Variants in SH3D19 observed in about 807,000 individuals in gnomAD.
The protein encoded by SH3D19 is SH3 domain containing 19.
SH3D19 carries 58 observed loss-of-function variants against 112.1 expected under a neutral mutation model. That is an observed-to-expected ratio of 0.52 (90% CI 0.42 to 0.64). The LOEUF (loss-of-function observed/expected upper bound fraction) is 0.64, where lower values mean the gene tolerates loss of function less well. Among genes scored for constraint, SH3D19 ranks in the 30% least tolerant of loss-of-function variants. SH3D19 has a pLI of 0.00. For synonymous variants in SH3D19, 391 were observed against 448.5 expected (o/e 0.87, Z 1.62); for missense variants, 1,090 against 1,263.4 (o/e 0.86, Z 2.08).
At chr4:151,204,984 C>T (rs1294528273) in intron 2 of SH3D19, among the ~76,000 whole-genome samples, 1 of 151,950 alleles carries the variant, frequency 6.6e-6, no homozygotes, top group Non-Finnish European at 1.5e-5. Flanking sequence ...CCACACCTGG[C>T]TAATTTTTAC....
chr4:151,217,247 G>A (rs973090115), intron 2 of SH3D19, among the ~76,000 whole-genome samples: 1 of 152,122 alleles, frequency 6.6e-6, no homozygotes, highest in East Asian at 1.9e-4. Flanking sequence ...GCTAAAACAA[G>A]TTAAATCTTT....
At chr4:151,215,393 C>T (rs1202407556) in intron 2 of SH3D19, among the ~76,000 whole-genome samples, 1 of 152,210 alleles carries the variant, frequency 6.6e-6, no homozygotes, top group Non-Finnish European at 1.5e-5. Flanking sequence ...AGGCAGTGTG[C>T]CAAGGGAAAA....
At chr4:151,222,255 CTTCT>C (rs913130950) in intron 2 of SH3D19, among the ~76,000 whole-genome samples, 14 of 152,118 alleles carry the variant, frequency 9.2e-5, no homozygotes, top group African/African-American at 3.1e-4. Context: ...CCACTGTGTC[CTTCT>C]ATTTTGAAAT....
intron 2 of SH3D19, among the ~76,000 whole-genome samples, chr4:151,191,888 T>G (rs2407423): frequency 0.83 from 124,946 of 149,820 alleles, 53,582 homozygotes; most frequent in Non-Finnish European, 0.95. Flanking sequence ...CTCATGATCT[T>G]CCCACCTCGG....
chr4:151,255,951 T>A (rs529755456), intron 1 of SH3D19, among the ~76,000 whole-genome samples: 10 of 146,048 alleles, frequency 6.8e-5, no homozygotes, highest in Non-Finnish European at 1.3e-4. Context: ...TGCAGTGAGC[T>A]GAGATGGCAG....
In SH3D19 at chr4:151,242,908, C is replaced by T. The variant is rs187587455; in HGVS notation, c.113-16822G>A. 8.1e-4 allele frequency among the ~76,000 whole-genome samples: 124 copies of T among 152,188 alleles called. 1 individual carries two copies. Among genetic ancestry groups the T allele is most frequent in the Admixed American group, 8.0e-3 (122 of 15,294 alleles). ...CCTGTAAGAAAATCTCCCAGATATACATAGGAAGCTGAACATAGATTTGGC... is the reference window on the plus strand; with the variant it reads ...CCTGTAAGAAAATCTCCCAGATATATATAGGAAGCTGAACATAGATTTGGC... On this transcript the variant is annotated intron_variant, in intron 1 of 19. Coordinates refer to ENST00000604030, the MANE Select transcript of SH3D19 (RefSeq NM_001378122.1).
intron 1 of SH3D19, among the ~76,000 whole-genome samples, chr4:151,229,640 C>T (rs1369334951): frequency 6.6e-6 from 1 of 152,162 alleles, no homozygotes; most frequent in African/African-American, 2.4e-5. Flanking sequence ...AGGCTGGGTG[C>T]AGTGGTTCAC....
intron 14 of SH3D19, among the ~76,000 whole-genome samples, chr4:151,135,908 C>G (rs1030180985): frequency 4.6e-5 from 7 of 152,082 alleles, no homozygotes; most frequent in Non-Finnish European, 8.8e-5. Flanking sequence ...CAGTGGCTCA[C>G]GCCTGTAATT....
At chr4:151,265,556 T>C (rs535068636) in intron 1 of SH3D19, among the ~76,000 whole-genome samples, 26 of 141,732 alleles carry the variant, frequency 1.8e-4, no homozygotes, top group Non-Finnish European at 3.1e-4. Flanking sequence ...CTTATATTTA[T>C]TTTATTTCTT....
chr4:151,237,657 T>A (rs2149963988), intron 1 of SH3D19, among the ~76,000 whole-genome samples: 1 of 152,252 alleles, frequency 6.6e-6, no homozygotes, highest in South Asian at 2.1e-4. Context: ...AGAATGAGGA[T>A]TAAATGAATA....
chr4:151,311,764 C>T (rs181317529), intron 1 of SH3D19, among the ~76,000 whole-genome samples: 8 of 152,140 alleles, frequency 5.3e-5, no homozygotes, highest in Non-Finnish European at 2.9e-5. Context: ...CATTTGAGCC[C>T]GGGAGGTCAA....
At position 151,215,775 on chromosome 4, in the gene SH3D19, C is replaced by A. The variant is rs141085245; in HGVS notation, c.152+10272G>T. ...GCTAATCAACAAAGATACTTCAAAC[C>A]TTGAAATTGAATTCTTGGGACCAGG... On this transcript the variant is annotated intron_variant, in intron 2 of 19. Transcript: ENST00000604030. 3.3e-5 allele frequency among the ~76,000 whole-genome samples: 5 copies of A among 151,910 alleles called. 1 individual carries two copies. In the East Asian group the frequency reaches 9.7e-4, roughly 29 times the overall value.
chr4:151,148,312 G>A lies in SH3D19; in HGVS notation c.1818-126C>T, dbSNP rs191029673. The A allele has an allele frequency of 5.1e-4, 510 of 1,003,544 alleles. 1 individual carries two copies. Among genetic ancestry groups the A allele is most frequent in the Middle Eastern group, 4.6e-3 (15 of 3,228 alleles). 62.2% of individuals were successfully genotyped at this position (1,003,544 alleles called of 1,614,324 possible). A position where few individuals can be genotyped will look rare whatever the true frequency, so the allele number is the denominator to read the frequency against. ...ACAGAGACACAGCTTTCTGCTAGTGGAATACAGTTTACTGAAACATGCAGG... is the reference window on the plus strand; with the variant it reads ...ACAGAGACACAGCTTTCTGCTAGTGAAATACAGTTTACTGAAACATGCAGG... On this transcript the variant is annotated intron_variant, in intron 10 of 19. Coordinates refer to ENST00000604030, the MANE Select transcript of SH3D19 (RefSeq NM_001378122.1).
chr4:151,146,414 A>C (rs930155406), intron 11 of SH3D19, among the ~76,000 whole-genome samples: 1 of 152,072 alleles, frequency 6.6e-6, no homozygotes, highest in Non-Finnish European at 1.5e-5. Context: ...GGCTTCCCAA[A>C]GTGCTGGGAT....
Position 151,301,061 on chromosome 4 carries a change from C to T in SH3D19, c.112+24180G>A, listed in dbSNP as rs574302835. On this transcript the variant is annotated intron_variant, in intron 1 of 19. Transcript: ENST00000604030. ...TTAGAGGTAAGAAATGTAAGTGATA[C>T]GGTTTGGATCTGTGTCCCCACCCAA... 5.9e-5 allele frequency among the ~76,000 whole-genome samples: 9 copies of T among 152,290 alleles called. No homozygotes were observed. In the East Asian group the frequency reaches 1.5e-3, roughly 26 times the overall value.
In SH3D19 at chr4:151,133,227, T is replaced by C. The variant is rs1455798622; in HGVS notation, c.2496A>G (p.Arg832=). 6.2e-7 allele frequency: 1 copy of C among 1,614,040 alleles called. No homozygotes were observed. Among genetic ancestry groups the C allele is most frequent in the Non-Finnish European group, 8.5e-7 (1 of 1,179,964 alleles). ...CVSSHCVKGS[R]CVARFEYIGE... ...CAATATATTCAAACCGAGCAACACA[T>C]CTTGAGCCTCTGAATGAAGAACACA... The change falls in exon 16 of 20, where the codon AGA becomes AGG. Residue 832 remains arginine, a synonymous_variant. Coordinates refer to ENST00000604030, the MANE Select transcript of SH3D19 (RefSeq NM_001378122.1).
chr4:151,255,588 G>A (rs1330029667), intron 1 of SH3D19, among the ~76,000 whole-genome samples: 2 of 66,908 alleles, frequency 3.0e-5, no homozygotes, highest in Non-Finnish European at 1.0e-4. Flanking sequence ...GACGATGGGC[G>A]GCCAGGCAGA....
intron 2 of SH3D19, among the ~76,000 whole-genome samples, chr4:151,192,717 C>T (rs146612265): frequency 1.3e-4 from 20 of 152,256 alleles, no homozygotes; most frequent in Admixed American, 9.2e-4. Context: ...CCTTTGTGAA[C>T]GCTGTATTTC....
chr4:151,222,188 C>T (rs983036954), intron 2 of SH3D19, among the ~76,000 whole-genome samples: 1 of 152,232 alleles, frequency 6.6e-6, no homozygotes, highest in African/African-American at 2.4e-5. Context: ...GTTCCACCCA[C>T]AGAGGTGCAT....
Sources: allele counts gnomAD v4.1 joint callset (sites outside exome capture counted in the v4.1 genomes callset), GRCh38; gene constraint gnomAD v4.1.1; transcripts MANE v1.5; gene names NCBI Gene and HGNC (gene_info 2026-07-23, HGNC 2026-07-21).